Variants in PRKN observed in about 807,000 individuals in gnomAD.
PRKN encodes E3 ubiquitin-protein ligase parkin.
A neutral mutation model predicts 59.5 loss-of-function variants in PRKN; 56 were observed. That is an observed-to-expected ratio of 0.94 (90% CI 0.76 to 1.18). The LOEUF (loss-of-function observed/expected upper bound fraction) is 1.18, where lower values mean the gene tolerates loss of function less well. PRKN is among the 50% of genes most tolerant of loss of function. The pLI is 0.00. For missense variants in PRKN, 657 were observed against 596.4 expected (o/e 1.10, Z -1.06); for synonymous variants, 250 against 222.1 (o/e 1.13, Z -1.12).
At chr6:162,406,803 C>T (rs1788097388) in intron 2 of PRKN, among the ~76,000 whole-genome samples, 1 of 152,296 alleles carries the variant, frequency 6.6e-6, no homozygotes, top group Middle Eastern at 3.4e-3. Context: ...GCTGCCACCA[C>T]TTCCTGATGG....
chr6:161,434,449 C>T lies in PRKN; in HGVS notation c.1084-47572G>A, dbSNP rs1427498995. On this transcript the variant is annotated intron_variant, in intron 9 of 11. Transcript: ENST00000366898. ...AAGTTTCTGCTTTGCACCCAGACTC[C>T]GTCTTCATGAAGCCAGAGCCGCCCA... Among the ~76,000 whole-genome samples the T allele has an allele frequency of 3.3e-5, 5 of 152,150 alleles. 1 individual carries two copies. Among genetic ancestry groups the T allele is most frequent in the East Asian group, 1.9e-4 (1 of 5,184 alleles).
At chr6:162,256,328 G>A (rs1477011106) in intron 3 of PRKN, among the ~76,000 whole-genome samples, 2 of 152,032 alleles carry the variant, frequency 1.3e-5, no homozygotes, top group Non-Finnish European at 2.9e-5. Context: ...GGAAGCTACA[G>A]GTCATACAAA....
At chr6:162,699,881 C>T (rs1475962767) in intron 1 of PRKN, among the ~76,000 whole-genome samples, 1 of 152,146 alleles carries the variant, frequency 6.6e-6, no homozygotes, top group Non-Finnish European at 1.5e-5. Flanking sequence ...CCTTTGATCT[C>T]TTCAGTGAAT....
intron 5 of PRKN, among the ~76,000 whole-genome samples, chr6:162,017,408 T>C (rs947307562): frequency 9.2e-5 from 14 of 152,194 alleles, no homozygotes; most frequent in East Asian, 5.8e-4. Flanking sequence ...ATAGAAGGCA[T>C]GTGGCATGGT....
At chr6:162,188,916 A>G (rs1458712748) in intron 4 of PRKN, among the ~76,000 whole-genome samples, 1 of 152,158 alleles carries the variant, frequency 6.6e-6, no homozygotes, top group Non-Finnish European at 1.5e-5. Context: ...AAAGTGCTCT[A>G]GCAAAGTCAG....
intron 1 of PRKN, among the ~76,000 whole-genome samples, chr6:162,503,480 A>G (rs1237146436): frequency 1.3e-5 from 2 of 152,078 alleles, no homozygotes; most frequent in Non-Finnish European, 2.9e-5. Context: ...CCTTCCTTTC[A>G]AAGAAACATT....
intron 1 of PRKN, among the ~76,000 whole-genome samples, chr6:162,526,265 C>T (rs1301988203): frequency 6.7e-5 from 4 of 59,886 alleles, no homozygotes; most frequent in African/African-American, 4.8e-4. Context: ...CTCCACAAGG[C>T]TAAGGGAAAA....
At chr6:162,557,134 G>A (rs1032683055) in intron 1 of PRKN, among the ~76,000 whole-genome samples, 4 of 152,158 alleles carry the variant, frequency 2.6e-5, no homozygotes, top group African/African-American at 9.7e-5. Flanking sequence ...AATTCCTTTT[G>A]CCCAATGTGA....
intron 1 of PRKN, among the ~76,000 whole-genome samples, chr6:162,520,029 T>C (rs1301471642): frequency 6.6e-6 from 1 of 152,170 alleles, no homozygotes; most frequent in Admixed American, 6.5e-5. Flanking sequence ...GCAGGAGGAC[T>C]GCTTGAGACC....
chr6:162,120,610 G>A (rs1486907027), intron 4 of PRKN, among the ~76,000 whole-genome samples: 1 of 152,138 alleles, frequency 6.6e-6, no homozygotes, highest in Admixed American at 6.5e-5. Context: ...GATTGCAGAA[G>A]GTTCAGAAAT....
Position 162,216,423 on chromosome 6 carries a change from C to T in PRKN, c.413-15171G>A, listed in dbSNP as rs191395578. Among the ~76,000 whole-genome samples the T allele has an allele frequency of 8.1e-3, 1,208 of 148,602 alleles. 21 individuals are homozygous for T. The highest frequency in any genetic ancestry group is 0.028 in the African/African-American group (1,142 of 40,360). The stretch of plus-strand genomic sequence containing the variant: ...CGGGCGCCTGTAGTCCCAGCTACTC[C>T]GGAGGCTGAGGCAGGAGAATGGCGT... On this transcript the variant is annotated intron_variant, in intron 3 of 11. Transcript: ENST00000366898.
chr6:161,747,921 ACT>A (rs1405896213), intron 7 of PRKN, among the ~76,000 whole-genome samples: 2 of 152,178 alleles, frequency 1.3e-5, no homozygotes, highest in Non-Finnish European at 2.9e-5. Context: ...GCCATCTTTA[ACT>A]ACTATAAGGA....
intron 7 of PRKN, among the ~76,000 whole-genome samples, chr6:161,618,780 A>C (rs1782785341): frequency 6.6e-6 from 1 of 152,226 alleles, no homozygotes; most frequent in Admixed American, 6.5e-5. Flanking sequence ...ATCTAATTTT[A>C]ATCCAAAAGA....
chr6:161,918,196 T>A (rs916897163), intron 6 of PRKN, among the ~76,000 whole-genome samples: 2 of 152,208 alleles, frequency 1.3e-5, no homozygotes, highest in Admixed American at 6.5e-5. Flanking sequence ...CCTGGGCTCA[T>A]GGGTAATCAA....
chr6:161,406,171 T>C (rs62435931), intron 9 of PRKN, among the ~76,000 whole-genome samples: 16,985 of 151,378 alleles, frequency 0.11, 1,101 homozygotes, highest in Admixed American at 0.16. Flanking sequence ...TATACACATA[T>C]ATATACATAC....
intron 7 of PRKN, among the ~76,000 whole-genome samples, chr6:161,734,174 C>G (rs193248137): frequency 6.6e-6 from 1 of 152,088 alleles, no homozygotes. Context: ...TACTGTACCT[C>G]GGTTTTCCTG....
At chr6:161,597,115 A>G (rs565360933) in intron 7 of PRKN, among the ~76,000 whole-genome samples, 3 of 152,274 alleles carry the variant, frequency 2.0e-5, no homozygotes, top group Admixed American at 2.0e-4. Flanking sequence ...TCCTGTTTGG[A>G]TTCCAGGGTG....
intron 7 of PRKN, among the ~76,000 whole-genome samples, chr6:161,673,911 T>C (rs1195414694): frequency 6.6e-6 from 1 of 152,166 alleles, no homozygotes; most frequent in Non-Finnish European, 1.5e-5. Context: ...CACATTCATA[T>C]TTGGCATTAT....
chr6:161,366,231 CA>C (rs1785192982), intron 10 of PRKN, among the ~76,000 whole-genome samples: 1 of 152,136 alleles, frequency 6.6e-6, no homozygotes, highest in African/African-American at 2.4e-5. Context: ...GAGACCTCCC[CA>C]GATCTAGAGC....
Sources: gnomAD v4.1 joint callset for allele counts (sites outside exome capture counted in the v4.1 genomes callset) on GRCh38, gnomAD v4.1.1 for gene constraint, MANE v1.5 for transcripts, NCBI Gene and HGNC (gene_info 2026-07-23, HGNC 2026-07-21) for gene names.